Variants in MYO1H observed in about 807,000 individuals in gnomAD.
MYO1H encodes the protein myosin IH.
In MYO1H, 118 loss-of-function variants were observed where a neutral mutation model predicts 149.3. The ratio of observed to expected loss-of-function variants is 0.79; its 90% CI spans 0.68 to 0.92. MYO1H has a LOEUF of 0.92. Among genes scored for constraint, MYO1H ranks in the 40% least tolerant of loss-of-function variants. MYO1H has a pLI of 0.00. For synonymous variants in MYO1H, 447 were observed against 465.2 expected (o/e 0.96, Z 0.50); for missense variants, 1,212 against 1,280.7 (o/e 0.95, Z 0.82).
chr12:109,440,930 C>A, intron 25 of MYO1H, 103 bp downstream of exon 25: 1 of 813,984 alleles, frequency 1.2e-6, no homozygotes, highest in South Asian at 1.6e-5. Context: ...AAGCGGGGGT[C>A]ATGCTAGTCC....
chr12:109,396,730 G>A, intron 4 of MYO1H, 148 bp downstream of exon 4: 1 of 574,042 alleles, frequency 1.7e-6, no homozygotes, highest in Non-Finnish European at 2.8e-6. Context: ...GGTGTGACCT[G>A]GAACTAAGCC....
At chr12:109,330,426 G>A in the MYO1H span, among the ~76,000 whole-genome samples, 2 of 151,998 alleles carry the variant, frequency 1.3e-5, no homozygotes, top group Non-Finnish European at 2.9e-5. Context: ...ATATCTGAAT[G>A]TGCCTGATGG....
At chr12:109,328,859 A>G in the MYO1H span, among the ~76,000 whole-genome samples, 4 of 152,200 alleles carry the variant, frequency 2.6e-5, no homozygotes, top group African/African-American at 7.2e-5. Flanking sequence ...TATCTTGTGG[A>G]ATGATTAGCA....
At chr12:109,402,483 G>A (rs555936760) in intron 6 of MYO1H, among the ~76,000 whole-genome samples, 10 of 152,208 alleles carry the variant, frequency 6.6e-5, no homozygotes, top group African/African-American at 2.2e-4. Flanking sequence ...AAAAATGAAG[G>A]CAGGCTGGGG....
intron 1 of MYO1H, among the ~76,000 whole-genome samples, chr12:109,367,321 T>C (rs1868884855): frequency 6.6e-6 from 1 of 152,096 alleles, no homozygotes; most frequent in Non-Finnish European, 1.5e-5. Context: ...AGGTGGATCA[T>C]AGAAAAAGAG....
intron 1 of MYO1H, among the ~76,000 whole-genome samples, chr12:109,372,010 T>C (rs1330359389): frequency 6.6e-6 from 1 of 152,162 alleles, no homozygotes; most frequent in East Asian, 1.9e-4. Flanking sequence ...TGTTGGACTT[T>C]TATTGATTTA....
At chr12:109,367,763 A>C (rs1868896910) in intron 1 of MYO1H, among the ~76,000 whole-genome samples, 1 of 152,126 alleles carries the variant, frequency 6.6e-6, no homozygotes, top group African/African-American at 2.4e-5. Flanking sequence ...CGTGTTAGCC[A>C]GGATGGTCTC....
chr12:109,357,553 C>A (rs1042547519), intron 1 of MYO1H, among the ~76,000 whole-genome samples: 2 of 152,200 alleles, frequency 1.3e-5, no homozygotes, highest in African/African-American at 4.8e-5. Context: ...CATAGGCAAA[C>A]ATAAATGTGT....
At chr12:109,381,329 C>A (rs1273126845) in intron 1 of MYO1H, among the ~76,000 whole-genome samples, 4 of 152,100 alleles carry the variant, frequency 2.6e-5, no homozygotes, top group Non-Finnish European at 5.9e-5. Context: ...GAGAAGATGG[C>A]TTGAGCTCAG....
At chr12:109,402,669 CTAATTT>C (rs1270560322) in intron 6 of MYO1H, among the ~76,000 whole-genome samples, 1 of 152,118 alleles carries the variant, frequency 6.6e-6, no homozygotes, top group Non-Finnish European at 1.5e-5. Context: ...ATCTCATAAT[CTAATTT>C]TATACTAAGC....
intron 1 of MYO1H, among the ~76,000 whole-genome samples, chr12:109,364,617 T>C (rs920327661): frequency 2.6e-5 from 4 of 152,226 alleles, no homozygotes; most frequent in African/African-American, 9.6e-5. Context: ...AAATATTGGT[T>C]ACATAATGTT....
rs146979147 is a variant in MYO1H, at chr12:109,404,376, G to A, written c.849+296G>A. Among the ~76,000 whole-genome samples, 383 of 152,288 alleles carry A rather than the reference G, an allele frequency of 2.5e-3. 1 individual carries two copies. Among genetic ancestry groups the A allele is most frequent in the African/African-American group, 7.6e-3 (316 of 41,556 alleles). ...AGGCACCTGTAATCCCAGCTACTCC[G>A]GAGACGGAGGCAGGAGAATCGCTTG... On this transcript the variant is annotated intron_variant, in intron 7 of 31. Transcript: ENST00000310903.
the MYO1H span, among the ~76,000 whole-genome samples, chr12:109,330,678 C>T: frequency 3.3e-5 from 5 of 152,128 alleles, no homozygotes; most frequent in African/African-American, 1.2e-4. Flanking sequence ...GGAGACAGGC[C>T]TCATTATTTT....
At chr12:109,409,885 C>T (rs926237275) in intron 11 of MYO1H, 78 bp from the exon 12 acceptor site, 1 of 822,572 alleles carries the variant, frequency 1.2e-6, no homozygotes, top group Non-Finnish European at 1.9e-6. Context: ...AAAAAGTATG[C>T]CTAAAAAGAA....
At chr12:109,424,748 G>A in exon 17 of MYO1H, 1 of 1,613,324 alleles carries the variant, frequency 6.2e-7, no homozygotes, top group Non-Finnish European at 8.5e-7. Flanking sequence ...TCACTTACAG[G>A]TGCTGTGCAA....
chr12:109,312,983 G>C, the MYO1H span, among the ~76,000 whole-genome samples: 1 of 151,986 alleles, frequency 6.6e-6, no homozygotes, highest in Non-Finnish European at 1.5e-5. Context: ...GCTCAGGGCT[G>C]TAATCCCTGC....
intron 2 of MYO1H, among the ~76,000 whole-genome samples, 165 bp downstream of exon 2, chr12:109,389,009 A>G (rs947584169): frequency 6.6e-6 from 1 of 152,120 alleles, no homozygotes; most frequent in African/African-American, 2.4e-5. Flanking sequence ...TAAGACGTTT[A>G]TGGCTGCCCG....
At chr12:109,401,069 T>G in intron 5 of MYO1H, 24 bp from the exon 6 acceptor site, 2 of 1,606,708 alleles carry the variant, frequency 1.2e-6, no homozygotes, top group South Asian at 1.1e-5. Flanking sequence ...TTGTCACTGC[T>G]GCAATTTTTG....
In MYO1H at chr12:109,443,149, C is replaced by T. The variant is rs189272400; in HGVS notation, c.2689-365C>T. Among the ~76,000 whole-genome samples the T allele has an allele frequency of 5.6e-3, 434 of 76,894 alleles. 98 individuals are homozygous for T. Among genetic ancestry groups the T allele is most frequent in the African/African-American group, 0.024 (333 of 13,874 alleles). The allele number at this position is 76,894 out of a possible 152,430, so 50.4% of individuals were successfully genotyped here. ...ACGTATATATGTGTGTATATGTGTACGTATGTGTGTGTATATGTGTACGTA... is the reference window on the plus strand; with the variant it reads ...ACGTATATATGTGTGTATATGTGTATGTATGTGTGTGTATATGTGTACGTA... On this transcript the variant is annotated intron_variant, in intron 27 of 31. Coordinates refer to ENST00000310903, the Ensembl canonical transcript of MYO1H.
Sources: gnomAD v4.1 joint callset for allele counts (sites outside exome capture counted in the v4.1 genomes callset) on GRCh38, gnomAD v4.1.1 for gene constraint, MANE v1.5 for transcripts, NCBI Gene and HGNC (gene_info 2026-07-23, HGNC 2026-07-21) for gene names.